UBQLNL: variants seen among roughly 807,000 people sequenced by gnomAD.
UBQLNL encodes ubiquilin-like protein.
For synonymous variants in UBQLNL, 223 were observed against 209.7 expected, an observed-to-expected ratio of 1.06 and a Z score of -0.55; for missense variants, 589 against 567.1, an observed-to-expected ratio of 1.04 and a Z score of -0.39.
In UBQLNL at chr11:5,515,551, G is replaced by C; in HGVS notation, c.891C>G (p.Leu297=). ...DPFGGNPFTA[L]LAGQVLEQVQ... The stretch of plus-strand genomic sequence containing the variant: ...CTTGTTCTAGCACTTGTCCTGCCAG[G>C]AGAGCTGTGAAAGGGTTTCCTCCAA... The change falls in exon 1 of 1, where the codon CTC becomes CTG. Residue 297 remains leucine (L), a synonymous_variant. Coordinates refer to ENST00000380184, the MANE Select transcript of UBQLNL (RefSeq NM_145053.5). 6.2e-7 allele frequency: 1 copy of C among 1,614,148 alleles called. No homozygotes were observed.
Sources: gnomAD v4.1 joint callset for allele counts on GRCh38, gnomAD v4.1.1 for gene constraint, MANE v1.5 for transcripts, NCBI Gene and HGNC (gene_info 2026-07-23, HGNC 2026-07-21) for gene names.